The following TAFA1 variants were observed in gnomAD, a reference collection of about 807,000 sequenced individuals.
TAFA1 encodes chemokine-like protein TAFA-1.
Under a neutral mutation model 18.5 loss-of-function variants are expected in TAFA1, and 4 were observed. The ratio of observed to expected loss-of-function variants is 0.22; its 90% confidence interval spans 0.11 to 0.49. The LOEUF is 0.49. TAFA1 is among the 20% of genes least tolerant of loss of function. TAFA1 has a pLI of 0.98. For synonymous variants in TAFA1, 56 were observed against 55.2 expected (o/e 1.01, Z -0.06); for missense variants, 147 against 169.0 (o/e 0.87, Z 0.72).
intron 3 of TAFA1, among the ~76,000 whole-genome samples, chr3:68,432,301 G>T (rs534953983): frequency 1.3e-5 from 2 of 151,940 alleles, no homozygotes; most frequent in African/African-American, 4.8e-5. Context: ...AAAAGGAAAT[G>T]AAAAGAATAT....
Position 68,447,959 on chromosome 3 carries a change from A to G in TAFA1, c.259+30539A>G, listed in dbSNP as rs79989755. ...ATCCTATAAGATAGGTACAAAGGAG[A>G]GAAATAAAGCACCAAGGTTAAATAA... is the stretch of plus-strand genomic sequence containing the variant. On this transcript the variant is annotated intron_variant, in intron 3 of 4. Coordinates refer to ENST00000478136, the MANE Select transcript of TAFA1 (RefSeq NM_213609.4). Among the ~76,000 whole-genome samples the G allele has an allele frequency of 3.8e-3, 580 of 152,320 alleles. 9 individuals carry two copies. The East Asian group carries it at 0.049, about 13-fold the overall frequency.
intron 2 of TAFA1, among the ~76,000 whole-genome samples, chr3:68,096,082 A>C (rs115855506): frequency 3.1e-4 from 47 of 152,028 alleles, no homozygotes; most frequent in African/African-American, 1.1e-3. Flanking sequence ...ACTCACACAC[A>C]CTTTCCATTC....
chr3:68,510,769 C>T (rs1424072374), intron 3 of TAFA1, among the ~76,000 whole-genome samples: 1 of 152,120 alleles, frequency 6.6e-6, no homozygotes, highest in Non-Finnish European at 1.5e-5. Context: ...TTTCTTCCCA[C>T]TGTCTCTTTT....
intron 3 of TAFA1, among the ~76,000 whole-genome samples, chr3:68,520,238 C>T (rs536433848): frequency 5.3e-5 from 8 of 152,148 alleles, no homozygotes; most frequent in Admixed American, 2.0e-4. Flanking sequence ...ATTATATTCA[C>T]GAAGATTTTC....
chr3:68,389,222 G>A (rs907000811), intron 2 of TAFA1, among the ~76,000 whole-genome samples: 1 of 152,112 alleles, frequency 6.6e-6, no homozygotes, highest in South Asian at 2.1e-4. Flanking sequence ...ACAAATGATC[G>A]CATGTCAACT....
intron 2 of TAFA1, among the ~76,000 whole-genome samples, chr3:68,267,402 A>T (rs2067568882): frequency 6.6e-6 from 1 of 152,192 alleles, no homozygotes; most frequent in Non-Finnish European, 1.5e-5. Context: ...ACCAAACTCC[A>T]GAAGTTTTAG....
At chr3:68,229,020 C>A (rs984501289) in intron 2 of TAFA1, among the ~76,000 whole-genome samples, 8 of 152,212 alleles carry the variant, frequency 5.3e-5, no homozygotes, top group Admixed American at 3.9e-4. Flanking sequence ...GATTCCCTGA[C>A]CACCCACCAT....
intron 3 of TAFA1, among the ~76,000 whole-genome samples, chr3:68,528,044 G>C (rs6549130): frequency 0.8 from 121,836 of 152,066 alleles, 48,897 homozygotes; most frequent in East Asian, 0.9. Flanking sequence ...TACAATTTGA[G>C]CTGTAAAAAA....
intron 3 of TAFA1, among the ~76,000 whole-genome samples, chr3:68,521,031 C>T (rs1472907395): frequency 6.6e-6 from 1 of 152,110 alleles, no homozygotes; most frequent in African/African-American, 2.4e-5. Flanking sequence ...TGATTTTTTC[C>T]TGCATAACAG....
At chr3:68,510,798 G>T (rs1441863600) in intron 3 of TAFA1, among the ~76,000 whole-genome samples, 1 of 151,984 alleles carries the variant, frequency 6.6e-6, no homozygotes, top group East Asian at 1.9e-4. Context: ...AAGGTAAAAT[G>T]AATAAAACAA....
chr3:68,342,919 G>C (rs575566374), intron 2 of TAFA1, among the ~76,000 whole-genome samples: 79 of 152,228 alleles, frequency 5.2e-4, no homozygotes, highest in African/African-American at 1.8e-3. Context: ...TTTAATAGTA[G>C]ATTCTTCACA....
chr3:68,073,383 G>T (rs1320658884), intron 2 of TAFA1, among the ~76,000 whole-genome samples: 3 of 152,208 alleles, frequency 2.0e-5, no homozygotes, highest in Non-Finnish European at 4.4e-5. Flanking sequence ...CAGGACTAGA[G>T]CAATGGGCTT....
intron 2 of TAFA1, among the ~76,000 whole-genome samples, chr3:68,216,833 T>A (rs2066664812): frequency 6.6e-6 from 1 of 151,960 alleles, no homozygotes; most frequent in Non-Finnish European, 1.5e-5. Flanking sequence ...ACTGGAGCAA[T>A]GAGCAACAAA....
intron 2 of TAFA1, among the ~76,000 whole-genome samples, chr3:68,178,627 CAG>C (rs1323048602): frequency 6.6e-6 from 1 of 152,158 alleles, no homozygotes; most frequent in African/African-American, 2.4e-5. Context: ...AAAAGAGAAA[CAG>C]ATATATATGC....
intron 3 of TAFA1, among the ~76,000 whole-genome samples, chr3:68,462,461 T>C (rs2071802117): frequency 6.6e-6 from 1 of 152,114 alleles, no homozygotes; most frequent in South Asian, 2.1e-4. Context: ...CACTCACCTT[T>C]CACCATGATC....
chr3:68,255,392 A>G (rs2067278523), intron 2 of TAFA1, among the ~76,000 whole-genome samples: 1 of 152,150 alleles, frequency 6.6e-6, no homozygotes, highest in Non-Finnish European at 1.5e-5. Context: ...TTAAATCTGG[A>G]TAATGAAAAA....
chr3:68,375,933 T>C (rs2069804829), intron 2 of TAFA1, among the ~76,000 whole-genome samples: 1 of 152,210 alleles, frequency 6.6e-6, no homozygotes, highest in African/African-American at 2.4e-5. Flanking sequence ...AAAGTATTTA[T>C]ATATTTTTAA....
At chr3:68,429,795 C>A (rs1466117375) in intron 3 of TAFA1, among the ~76,000 whole-genome samples, 1 of 151,870 alleles carries the variant, frequency 6.6e-6, no homozygotes, top group Admixed American at 6.6e-5. Context: ...CAACTTAGAT[C>A]ATCAATTCCA....
intron 2 of TAFA1, among the ~76,000 whole-genome samples, chr3:68,383,325 C>T (rs762583363): frequency 3.9e-5 from 6 of 151,994 alleles, no homozygotes; most frequent in Non-Finnish European, 7.4e-5. Context: ...GTGGGTTTGT[C>T]GTAGATGGCT....
Sources: gnomAD v4.1 joint callset for allele counts (sites outside exome capture counted in the v4.1 genomes callset) on GRCh38, gnomAD v4.1.1 for gene constraint, MANE v1.5 for transcripts, NCBI Gene and HGNC (gene_info 2026-07-23, HGNC 2026-07-21) for gene names.